The following SAMD12 variants were observed in gnomAD, a reference collection of about 807,000 sequenced individuals.
SAMD12 encodes the protein sterile alpha motif domain containing 12, also known as sterile alpha motif domain-containing protein 12.
SAMD12 carries 9 observed loss-of-function variants against 15.0 expected under a neutral mutation model. The observed-to-expected ratio is 0.60, with a 90% CI of 0.36 to 1.05. SAMD12 has a LOEUF of 1.05. Ranked by LOEUF, SAMD12 falls within the 50% of genes least tolerant of loss-of-function variation. The probability of loss-of-function intolerance (pLI) is 0.01; values close to 1 mark genes in which losing one functional copy is unlikely to be tolerated. For synonymous variants in SAMD12, 86 were observed against 90.1 expected (o/e 0.96, Z 0.25); for missense variants, 230 against 234.2 (o/e 0.98, Z 0.12).
chr8:118,177,682 C>A, the SAMD12 span, among the ~76,000 whole-genome samples: 1 of 152,140 alleles, frequency 6.6e-6, no homozygotes, highest in East Asian at 1.9e-4. Flanking sequence ...ATGATCACAC[C>A]ACTGCACTTC....
chr8:118,600,738 C>G (rs1011296776), intron 1 of SAMD12, among the ~76,000 whole-genome samples: 6 of 152,032 alleles, frequency 3.9e-5, no homozygotes, highest in Non-Finnish European at 8.8e-5. Context: ...ATCTCAAGAG[C>G]CTTGAAGTCT....
At chr8:118,229,802 A>C (rs949254751) in intron 4 of SAMD12, among the ~76,000 whole-genome samples, 1 of 152,096 alleles carries the variant, frequency 6.6e-6, no homozygotes, top group Non-Finnish European at 1.5e-5. Flanking sequence ...ACTTCCCCGG[A>C]ATGAGAGGCC....
In SAMD12 at chr8:118,446,240, G is replaced by C. The variant is rs556494855; in HGVS notation, c.193-6279C>G. Among the ~76,000 whole-genome samples the C allele has an allele frequency of 2.9e-3, 440 of 150,512 alleles. 1 individual carries two copies. Among genetic ancestry groups the C allele is most frequent in the African/African-American group, 0.01 (416 of 40,936 alleles). ...TTTTTTTTTAAAGGAGATAAGACTAGAGGATTTTTTTCTCTTAATTTGCCC... is the reference window on the plus strand; with the variant it reads ...TTTTTTTTTAAAGGAGATAAGACTACAGGATTTTTTTCTCTTAATTTGCCC... On this transcript the variant is annotated intron_variant, in intron 2 of 3. Transcript: ENST00000314727.
At chr8:118,616,079 C>T (rs1047969654) in intron 1 of SAMD12, among the ~76,000 whole-genome samples, 7 of 152,032 alleles carry the variant, frequency 4.6e-5, no homozygotes, top group Admixed American at 1.3e-4. Context: ...GTATAGAGAA[C>T]ATAATAAAAA....
At chr8:118,592,451 C>A (rs1827606373) in intron 1 of SAMD12, among the ~76,000 whole-genome samples, 1 of 152,006 alleles carries the variant, frequency 6.6e-6, no homozygotes, top group Non-Finnish European at 1.5e-5. Flanking sequence ...ATCTGGCTGT[C>A]CCCACTGACT....
At chr8:118,342,156 G>A (rs546755447) in intron 4 of SAMD12, among the ~76,000 whole-genome samples, 1 of 152,246 alleles carries the variant, frequency 6.6e-6, no homozygotes, top group East Asian at 1.9e-4. Flanking sequence ...GCCAGGCTTG[G>A]TGGCAGGCAT....
chr8:118,287,682 A>G (rs1212638141), intron 4 of SAMD12, among the ~76,000 whole-genome samples: 2 of 152,142 alleles, frequency 1.3e-5, no homozygotes, highest in Non-Finnish European at 2.9e-5. Context: ...GGGGAAAGGG[A>G]CATTTAGGAG....
chr8:118,571,054 C>T (rs1257969318), intron 2 of SAMD12, among the ~76,000 whole-genome samples: 1 of 152,154 alleles, frequency 6.6e-6, no homozygotes, highest in African/African-American at 2.4e-5. Context: ...ATTGCACAGT[C>T]TCAGGTATGT....
chr8:118,554,444 A>G (rs1005673006), intron 2 of SAMD12, among the ~76,000 whole-genome samples: 2 of 151,058 alleles, frequency 1.3e-5, no homozygotes, highest in African/African-American at 4.9e-5. Flanking sequence ...CAAAAAACCA[A>G]ACACCGCATA....
At chr8:118,446,822 T>A (rs1047942514) in intron 2 of SAMD12, among the ~76,000 whole-genome samples, 1 of 152,184 alleles carries the variant, frequency 6.6e-6, no homozygotes, top group African/African-American at 2.4e-5. Flanking sequence ...GGCTTGTTTT[T>A]TGGTTTTCTT....
chr8:118,542,989 G>A (rs1586802463), intron 2 of SAMD12, among the ~76,000 whole-genome samples: 1 of 151,846 alleles, frequency 6.6e-6, no homozygotes, highest in Admixed American at 6.6e-5. Context: ...GAAGGAAAGA[G>A]GGAGGCGAGA....
rs114003199 is a variant in SAMD12, at chr8:118,367,964, C to T, written c.433+11596G>A. On this transcript the variant is annotated intron_variant, in intron 4 of 4. Coordinates refer to the SAMD12 transcript ENST00000409003. The stretch of plus-strand genomic sequence containing the variant: ...ACCTAATGGATTCCCAGAATAAAAA[C>T]GAAACAGGAAAAGATGCTAATCAGG... 8.3e-3 allele frequency among the ~76,000 whole-genome samples: 1,268 copies of T among 152,212 alleles called. 19 individuals are homozygous for T. Among genetic ancestry groups the T allele is most frequent in the African/African-American group, 0.029 (1,203 of 41,532 alleles).
chr8:118,567,334 G>A (rs987859553), intron 2 of SAMD12, among the ~76,000 whole-genome samples: 13 of 151,874 alleles, frequency 8.6e-5, no homozygotes, highest in African/African-American at 2.7e-4. Flanking sequence ...ATAAAAAAAC[G>A]CAAGCTTTGA....
intron 4 of SAMD12, among the ~76,000 whole-genome samples, chr8:118,294,372 C>T (rs764723867): frequency 6.6e-6 from 1 of 152,132 alleles, no homozygotes; most frequent in Non-Finnish European, 1.5e-5. Flanking sequence ...TTTAGGCATG[C>T]GGCGTCATCA....
At chr8:118,379,768 G>A in intron 3 of SAMD12, 68 bp from the exon 4 acceptor site, 1 of 1,564,654 alleles carries the variant, frequency 6.4e-7, no homozygotes, top group Non-Finnish European at 8.6e-7. Context: ...GTCCATTTTG[G>A]TCTTGACTAA....
chr8:118,551,861 C>G (rs1479347239), intron 2 of SAMD12, among the ~76,000 whole-genome samples: 1 of 151,740 alleles, frequency 6.6e-6, no homozygotes, highest in Non-Finnish European at 1.5e-5. Context: ...ACCGATCCCA[C>G]AGAAATACAA....
chr8:118,475,054 C>A (rs7816941), intron 2 of SAMD12, among the ~76,000 whole-genome samples: 3,363 of 152,160 alleles, frequency 0.022, 115 homozygotes, highest in African/African-American at 0.077. Context: ...GCCTGGCCAA[C>A]ATGGTGAAAC....
intron 2 of SAMD12, among the ~76,000 whole-genome samples, chr8:118,443,270 C>A (rs1420286115): frequency 6.6e-6 from 1 of 152,142 alleles, no homozygotes; most frequent in Non-Finnish European, 1.5e-5. Flanking sequence ...TCAAGACCAG[C>A]CTGGCCAACA....
At chr8:118,252,093 A>C (rs1212134686) in intron 4 of SAMD12, among the ~76,000 whole-genome samples, 1 of 152,202 alleles carries the variant, frequency 6.6e-6, no homozygotes, top group Non-Finnish European at 1.5e-5. Context: ...TCTTGGCTTT[A>C]AGAAGAAGCT....
Sources: gnomAD v4.1 joint callset for allele counts (sites outside exome capture counted in the v4.1 genomes callset) on GRCh38, gnomAD v4.1.1 for gene constraint, MANE v1.5 for transcripts, NCBI Gene and HGNC (gene_info 2026-07-23, HGNC 2026-07-21) for gene names.